NLRP8: variants seen among roughly 807,000 people sequenced by gnomAD.
NLRP8 encodes the protein NACHT, LRR and PYD domains-containing protein 8.
Under a neutral mutation model 88.7 loss-of-function variants are expected in NLRP8, and 86 were observed. The ratio of observed to expected loss-of-function variants is 0.97; its 90% CI spans 0.81 to 1.16. The LOEUF (loss-of-function observed/expected upper bound fraction) is 1.16. Among genes scored for constraint, NLRP8 ranks in the 50% most tolerant of loss-of-function variants. The probability of loss-of-function intolerance (pLI) is 0.00; values close to 1 mark genes in which losing one functional copy is unlikely to be tolerated. For missense variants in NLRP8, 1,342 were observed against 1,286.5 expected (o/e 1.04, Z -0.66); for synonymous variants, 504 against 494.6 (o/e 1.02, Z -0.25).
chr19:55,966,240 G>A lies in NLRP8; in HGVS notation c.2241G>A (p.Leu747=). The A allele has an allele frequency of 6.2e-7, 1 of 1,614,138 alleles. No homozygotes were observed. The change falls in exon 5 of 10, where the codon TTG becomes TTA. Residue 747 remains leucine, a synonymous_variant. Transcript: ENST00000291971. Reference sequence around the variant, plus strand: ...TAAGGCGTGTGAATAGCACCATGTTGAACCAGGACTTAATCGGTGTTTTGA... The same window carrying A: ...TAAGGCGTGTGAATAGCACCATGTTAAACCAGGACTTAATCGGTGTTTTGA...
At position 55,987,327 on chromosome 19, in the gene NLRP8, G is replaced by A. The variant is rs185265961; in HGVS notation, c.3048-487G>A. 6.1e-4 allele frequency among the ~76,000 whole-genome samples: 93 copies of A among 152,356 alleles called. 1 individual carries two copies. The South Asian group carries it at 8.5e-3, about 14-fold the overall frequency. On this transcript the variant is annotated intron_variant, in intron 9 of 9. Coordinates refer to ENST00000291971, the MANE Select transcript of NLRP8 (RefSeq NM_176811.2). ...AGAGGTTGCAGTGAGCCAAGGTCAC[G>A]CCACTGCACTCCAGCGTGGGTGACA...
chr19:55,985,220 T>C (rs1039378256), intron 9 of NLRP8, among the ~76,000 whole-genome samples: 4 of 152,014 alleles, frequency 2.6e-5, no homozygotes, highest in African/African-American at 9.7e-5. Flanking sequence ...GGAGAATCGC[T>C]TGAACTGGGG....
At chr19:55,986,574 G>C (rs1010988022) in intron 9 of NLRP8, among the ~76,000 whole-genome samples, 1 of 152,130 alleles carries the variant, frequency 6.6e-6, no homozygotes, top group Admixed American at 6.6e-5. Flanking sequence ...CAGGTGTGTG[G>C]TGGTAAAGGC....
chr19:55,957,653 TA>T (rs1478360445), intron 3 of NLRP8, among the ~76,000 whole-genome samples: 7 of 117,820 alleles, frequency 5.9e-5, no homozygotes, highest in Admixed American at 5.2e-4. Flanking sequence ...GCCACTATCT[TA>T]AAAAAGAAAA....
chr19:55,988,210 GGT>G lies in NLRP8; in HGVS notation c.*299_*300del, dbSNP rs1299418686. On this transcript the variant is annotated 3_prime_UTR_variant, in exon 10 of 10. Transcript: ENST00000291971. ...AGTTCCAGACCAGCCTGGCCAACATGGTGAAACCCCGCCTCTACTAAAAAAAA... is the reference window on the plus strand; with the variant it reads ...AGTTCCAGACCAGCCTGGCCAACATGGAAACCCCGCCTCTACTAAAAAAAA... The G allele has an allele frequency of 5.4e-6, 1 of 183,930 alleles. No homozygotes were observed. The highest frequency in any genetic ancestry group is 1.1e-5 in the Non-Finnish European group (1 of 89,644). The allele number at this position is 183,930 out of a possible 1,614,324, so 11.4% of individuals were successfully genotyped here.
At chr19:55,974,671 G>C (rs1435278074) in intron 7 of NLRP8, among the ~76,000 whole-genome samples, 1 of 150,710 alleles carries the variant, frequency 6.6e-6, no homozygotes, top group Non-Finnish European at 1.5e-5. Flanking sequence ...GGGAGGCAGA[G>C]CTTACAGTGA....
At chr19:55,956,534 G>A (rs116027494) in intron 3 of NLRP8, among the ~76,000 whole-genome samples, 4 of 151,934 alleles carry the variant, frequency 2.6e-5, no homozygotes, top group East Asian at 3.9e-4. Context: ...ATGAGCCATC[G>A]CACGCGGCCA....
Position 55,970,638 on chromosome 19 carries a change from A to G in NLRP8, c.2476A>G (p.Asn826Asp). 1 of 1,613,594 alleles carries G rather than the reference A, an allele frequency of 6.2e-7. No individual in the cohort carries two copies. The highest frequency in any genetic ancestry group is 1.6e-4 in the Middle Eastern group (1 of 6,062). ...TCTAAAGACTCTCATACTAAGAAAA[A>G]ACTCCCTGGAGAACTGTGGGGCGTA... The change falls in exon 6 of 10, where the codon AAC becomes GAC. Residue 826 changes from asparagine to aspartate, a missense_variant. Physicochemically the swap from Asn to Asp is conservative, Grantham distance 23 (BLOSUM62 1). Coordinates refer to ENST00000291971, the MANE Select transcript of NLRP8 (RefSeq NM_176811.2).
intron 6 of NLRP8, 152 bp downstream of exon 6, chr19:55,970,848 C>A: frequency 1.0e-6 from 1 of 974,060 alleles, no homozygotes; most frequent in Non-Finnish European, 1.5e-6. Context: ...ATAGATAGGT[C>A]AATAAGGGTC....
At chr19:55,966,543 C>T (rs1010605019) in intron 5 of NLRP8, among the ~76,000 whole-genome samples, 163 bp downstream of exon 5, 2 of 152,156 alleles carry the variant, frequency 1.3e-5, no homozygotes, top group African/African-American at 4.8e-5. Context: ...TGGCTCACGA[C>T]TGTAATCCCA....
At chr19:55,986,385 C>G (rs577541147) in intron 9 of NLRP8, among the ~76,000 whole-genome samples, 1 of 151,538 alleles carries the variant, frequency 6.6e-6, no homozygotes, top group Non-Finnish European at 1.5e-5. Flanking sequence ...CACACATTCT[C>G]TCACACACAT....
At position 55,954,576 on chromosome 19, in the gene NLRP8, A is replaced by G. The variant is rs538693492; in HGVS notation, c.518A>G (p.Asn173Ser). Residue 173 changes from asparagine to serine, a missense_variant, in exon 3 of 10, where the codon AAC becomes AGC. Physicochemically the swap from Asn to Ser is conservative, Grantham distance 46. Transcript: ENST00000291971. ...TGGGACATTACGACTTGGCCTGGAA[A>G]CCAGAGGGACTTCTTCTACCAAGGT... 5 of 1,614,164 alleles carry G rather than the reference A, an allele frequency of 3.1e-6. No homozygotes were observed. In the African/African-American group the frequency reaches 4.0e-5, roughly 13 times the overall value.
chr19:55,984,374 G>A (rs556549370), intron 9 of NLRP8, among the ~76,000 whole-genome samples: 24 of 152,232 alleles, frequency 1.6e-4, no homozygotes, highest in Non-Finnish European at 2.8e-4. Flanking sequence ...AACAGTTGTG[G>A]CCGGGCGCAG....
At chr19:55,982,736 G>C (rs1209630440) in intron 9 of NLRP8, among the ~76,000 whole-genome samples, 1 of 152,186 alleles carries the variant, frequency 6.6e-6, no homozygotes, top group African/African-American at 2.4e-5. Context: ...GAGCCCAAGA[G>C]TTAGTGACCA....
chr19:55,975,703 A>T (rs182890867), intron 7 of NLRP8, among the ~76,000 whole-genome samples: 8 of 151,750 alleles, frequency 5.3e-5, no homozygotes, highest in Non-Finnish European at 1.2e-4. Flanking sequence ...ACATGATTCC[A>T]TTTAAATGAC....
chr19:55,953,736 GC>G (rs1043316474), intron 2 of NLRP8, among the ~76,000 whole-genome samples: 22 of 147,700 alleles, frequency 1.5e-4, no homozygotes, highest in African/African-American at 5.3e-4. Context: ...CTAACCTCGT[GC>G]CCGCCTCGGC....
At chr19:55,953,519 C>T (rs977114761) in intron 2 of NLRP8, among the ~76,000 whole-genome samples, 5 of 151,626 alleles carry the variant, frequency 3.3e-5, no homozygotes, top group South Asian at 4.2e-4. Flanking sequence ...TTTTTTGAGA[C>T]GGAGTCTCGC....
At chr19:55,981,324 T>C (rs1490717538) in intron 9 of NLRP8, among the ~76,000 whole-genome samples, 166 bp downstream of exon 10, 3 of 152,030 alleles carry the variant, frequency 2.0e-5, no homozygotes, top group East Asian at 1.9e-4. Context: ...GGAACTGGTG[T>C]AGGGCATGAC....
chr19:55,967,413 G>T (rs779513155), intron 5 of NLRP8, among the ~76,000 whole-genome samples: 5 of 152,240 alleles, frequency 3.3e-5, no homozygotes, highest in Middle Eastern at 3.4e-3. Context: ...AATTGTTTTG[G>T]TTTTTAGATC....
Sources: allele counts gnomAD v4.1 joint callset (sites outside exome capture counted in the v4.1 genomes callset), GRCh38; gene constraint gnomAD v4.1.1; transcripts MANE v1.5; gene names NCBI Gene and HGNC (gene_info 2026-07-23, HGNC 2026-07-21).